The following DGLUCY variants were observed in gnomAD, a reference collection of about 807,000 sequenced individuals.
DGLUCY encodes D-glutamate cyclase, mitochondrial.
DGLUCY carries 58 observed loss-of-function variants against 58.5 expected under a neutral mutation model. The ratio of observed to expected loss-of-function variants is 0.99; its 90% CI spans 0.80 to 1.23. The LOEUF (loss-of-function observed/expected upper bound fraction) is 1.23, where lower values mean the gene tolerates loss of function less well. Among genes scored for constraint, DGLUCY ranks in the 50% most tolerant of loss-of-function variants. DGLUCY has a pLI of 0.00. For synonymous variants in DGLUCY, 325 were observed against 314.1 expected (o/e 1.03, Z -0.37); for missense variants, 779 against 784.7 (o/e 0.99, Z 0.09).
rs1219162454 is a variant in DGLUCY at position 91,225,370 on chromosome 14, G to A, written c.*537G>A. ...TAAGTTTTAAATTGTGTACTCTTCG[G>A]AATATCGTGATGAAATCTCACACCA... On this transcript the variant is annotated 3_prime_UTR_variant, in exon 14 of 14. Coordinates refer to ENST00000256324, the MANE Select transcript of DGLUCY (RefSeq NM_001102368.3). 1.3e-5 allele frequency: 2 copies of A among 152,242 alleles called. No individual in the cohort carries two copies. The highest frequency in any genetic ancestry group is 2.9e-5 in the Non-Finnish European group (2 of 68,104). The allele number at this position is 152,242 out of a possible 1,614,324, so 9.4% of individuals were successfully genotyped here. A position where few individuals can be genotyped will look rare whatever the true frequency, so the allele number is the denominator to read the frequency against.
intron 1 of DGLUCY, among the ~76,000 whole-genome samples, chr14:91,098,952 T>G (rs2044439217): frequency 6.6e-6 from 1 of 152,200 alleles, no homozygotes; most frequent in Admixed American, 6.5e-5. Flanking sequence ...AAAGAAAATT[T>G]AATGCATGTA....
intron 1 of DGLUCY, among the ~76,000 whole-genome samples, chr14:91,080,315 G>A (rs1328591934): frequency 6.6e-6 from 1 of 152,184 alleles, no homozygotes; most frequent in Non-Finnish European, 1.5e-5. Flanking sequence ...CCTAGAAGTA[G>A]GACTGCCGAA....
intron 1 of DGLUCY, among the ~76,000 whole-genome samples, chr14:91,122,678 C>T (rs1051800800): frequency 1.4e-5 from 2 of 140,226 alleles, no homozygotes; most frequent in Non-Finnish European, 3.0e-5. Context: ...TCTCGGCTTA[C>T]TGCAACCTCC....
At chr14:91,215,018 A>C (rs1457826490) in intron 12 of DGLUCY, among the ~76,000 whole-genome samples, 1 of 152,112 alleles carries the variant, frequency 6.6e-6, no homozygotes, top group Non-Finnish European at 1.5e-5. Flanking sequence ...GCATGGTGGC[A>C]CACACCTGTA....
chr14:91,174,472 A>G (rs571395910), intron 6 of DGLUCY, among the ~76,000 whole-genome samples: 2 of 151,928 alleles, frequency 1.3e-5, no homozygotes, highest in East Asian at 3.9e-4. Flanking sequence ...TGCCCAGCTA[A>G]TTTTTGTATT....
intron 1 of DGLUCY, among the ~76,000 whole-genome samples, chr14:91,093,100 A>G (rs2044340022): frequency 6.6e-6 from 1 of 151,894 alleles, no homozygotes; most frequent in Non-Finnish European, 1.5e-5. Context: ...AAAAAAAAAA[A>G]GATAATTTGT....
intron 3 of DGLUCY, among the ~76,000 whole-genome samples, chr14:91,162,922 A>G (rs1466918009): frequency 1.3e-5 from 2 of 150,702 alleles, no homozygotes; most frequent in African/African-American, 2.4e-5. Context: ...AAAAGGAAAC[A>G]AAGAAGCTTT....
At chr14:91,076,732 G>T (rs2044028182) in intron 1 of DGLUCY, among the ~76,000 whole-genome samples, 2 of 152,272 alleles carry the variant, frequency 1.3e-5, no homozygotes, top group South Asian at 2.1e-4. Context: ...GGCAGAGGGG[G>T]CAGTGAGAGC....
intron 1 of DGLUCY, among the ~76,000 whole-genome samples, chr14:91,068,307 C>T (rs1252461362): frequency 1.3e-5 from 2 of 152,180 alleles, no homozygotes; most frequent in African/African-American, 4.8e-5. Context: ...CAACCTGTGC[C>T]AACCAGCACA....
chr14:91,176,121 T>G (rs1046235500), intron 7 of DGLUCY, 65 bp downstream of exon 7: 1 of 1,558,018 alleles, frequency 6.4e-7, no homozygotes, highest in African/African-American at 1.4e-5. Context: ...GTCTAGTTCT[T>G]GAAAGCATAT....
intron 1 of DGLUCY, among the ~76,000 whole-genome samples, chr14:91,082,965 C>T (rs2044152142): frequency 6.6e-6 from 1 of 152,030 alleles, no homozygotes; most frequent in Non-Finnish European, 1.5e-5. Flanking sequence ...ACTATGTTGC[C>T]CAGGTGGGTC....
chr14:91,098,707 G>A (rs920225831), intron 1 of DGLUCY, among the ~76,000 whole-genome samples: 2 of 152,092 alleles, frequency 1.3e-5, no homozygotes, highest in Non-Finnish European at 2.9e-5. Context: ...CCAAAAAGAT[G>A]TCATTTCTTA....
intron 3 of DGLUCY, among the ~76,000 whole-genome samples, chr14:91,163,989 AC>A (rs2048133503): frequency 6.6e-6 from 1 of 152,076 alleles, no homozygotes. Flanking sequence ...TTGCTCTGTC[AC>A]CCAGGCTGGA....
intron 1 of DGLUCY, among the ~76,000 whole-genome samples, chr14:91,129,896 C>G (rs2045936312): frequency 6.6e-6 from 1 of 152,208 alleles, no homozygotes; most frequent in Non-Finnish European, 1.5e-5. Context: ...ATCCACCCGC[C>G]TTGGCCTCCC....
At chr14:91,088,386 G>A (rs976810782) in intron 1 of DGLUCY, among the ~76,000 whole-genome samples, 3 of 152,094 alleles carry the variant, frequency 2.0e-5, no homozygotes, top group Non-Finnish European at 4.4e-5. Flanking sequence ...TTTCCTTCCT[G>A]GAAAGAAGTC....
At chr14:91,189,893 A>G (rs2049763383) in intron 9 of DGLUCY, 2 of 152,304 alleles carry the variant, frequency 1.3e-5, no homozygotes, top group South Asian at 2.1e-4. Flanking sequence ...GAAGTTTCCA[A>G]AAGCCTGTGT....
intron 4 of DGLUCY, 138 bp downstream of exon 4, chr14:91,167,516 T>G: frequency 8.5e-7 from 1 of 1,178,414 alleles, no homozygotes; most frequent in Middle Eastern, 1.9e-4. Context: ...CTCATGACTG[T>G]TGCTCAGGAA....
chr14:91,206,946 TAAG>T (rs939501063), intron 12 of DGLUCY, among the ~76,000 whole-genome samples: 8 of 151,778 alleles, frequency 5.3e-5, no homozygotes, highest in South Asian at 2.1e-4. Flanking sequence ...AAAGAATAAA[TAAG>T]AAGTGGTAGA....
intron 12 of DGLUCY, among the ~76,000 whole-genome samples, chr14:91,212,455 C>T (rs1013182414): frequency 2.6e-5 from 4 of 152,190 alleles, no homozygotes; most frequent in African/African-American, 9.6e-5. Flanking sequence ...TGTAAGGACT[C>T]CAGGAGCTAC....
Sources: allele counts gnomAD v4.1 joint callset (sites outside exome capture counted in the v4.1 genomes callset), GRCh38; gene constraint gnomAD v4.1.1; transcripts MANE v1.5; gene names NCBI Gene and HGNC (gene_info 2026-07-23, HGNC 2026-07-21).